Variants in MYO3A observed in about 807,000 individuals in gnomAD.
MYO3A encodes the protein myosin IIIA.
A neutral mutation model predicts 192.7 loss-of-function variants in MYO3A; 180 were observed. That is an observed-to-expected ratio of 0.93 (90% CI 0.83 to 1.06). The LOEUF is 1.06. MYO3A is among the 50% of genes least tolerant of loss of function. The pLI, the probability that MYO3A is intolerant of heterozygous loss-of-function variation, is 0.00. For missense variants in MYO3A, 1,896 were observed against 1,905.0 expected (o/e 1.00, Z 0.09); for synonymous variants, 628 against 645.3 (o/e 0.97, Z 0.41).
intron 10 of MYO3A, among the ~76,000 whole-genome samples, chr10:26,064,319 G>T (rs562941035): frequency 6.6e-6 from 1 of 152,300 alleles, no homozygotes; most frequent in South Asian, 2.1e-4. Flanking sequence ...AAGCTGTGAG[G>T]TAGAAGCATG....
Position 26,157,370 on chromosome 10 carries a change from A to G in MYO3A, c.2854A>G (p.Ile952Val), listed in dbSNP as rs767552680. Residue 952 changes from isoleucine to valine, a missense_variant, in exon 26 of 35, where the codon ATC becomes GTC. By Grantham distance (29) the Ile-to-Val change is conservative. Coordinates refer to ENST00000642920, the MANE Select transcript of MYO3A (RefSeq NM_017433.5). ...GGGCCAACCTCATTTTGTCCGTTGC[A>G]TCAAACCAAATAGTGAGCGTCAGGC... The part of the protein sequence containing the change: ...VVGQPHFVRC[I>V]KPNSERQARK... 1.2e-6 allele frequency: 2 copies of G among 1,614,036 alleles called. No individual in the cohort carries two copies. The highest frequency in any genetic ancestry group is 1.7e-6 in the Non-Finnish European group (2 of 1,180,014).
At chr10:26,089,349 C>T (rs1836548683) in intron 15 of MYO3A, among the ~76,000 whole-genome samples, 2 of 152,096 alleles carry the variant, frequency 1.3e-5, no homozygotes, top group South Asian at 4.1e-4. Context: ...CACCTGTAAT[C>T]CCAGCACTTT....
intron 20 of MYO3A, among the ~76,000 whole-genome samples, chr10:26,142,468 C>T (rs576009067): frequency 2.6e-5 from 4 of 152,302 alleles, no homozygotes. Context: ...GTGCTGGTAC[C>T]TTAACCCTAC....
intron 18 of MYO3A, among the ~76,000 whole-genome samples, chr10:26,121,454 C>T (rs1838852786): frequency 6.6e-6 from 1 of 151,958 alleles, no homozygotes; most frequent in Non-Finnish European, 1.5e-5. Context: ...TTAATAATAA[C>T]AAATGGAGAA....
At chr10:26,144,263 G>A (rs571152934) in intron 21 of MYO3A, among the ~76,000 whole-genome samples, 10 of 151,464 alleles carry the variant, frequency 6.6e-5, no homozygotes, top group African/African-American at 1.7e-4. Context: ...GTTTTTAAAC[G>A]CAGAACATTG....
chr10:26,146,090 G>A (rs1840448443), intron 22 of MYO3A, among the ~76,000 whole-genome samples: 1 of 152,180 alleles, frequency 6.6e-6, no homozygotes. Flanking sequence ...TAAGCCAGAT[G>A]AATGGATTAT....
chr10:25,937,601 A>G (rs528699773), intron 2 of MYO3A, among the ~76,000 whole-genome samples: 102 of 152,316 alleles, frequency 6.7e-4, no homozygotes, highest in African/African-American at 2.4e-3. Flanking sequence ...CTGGTGACTT[A>G]AAGTTTTTTG....
intron 14 of MYO3A, among the ~76,000 whole-genome samples, chr10:26,081,199 G>C (rs1272115659): frequency 6.7e-6 from 1 of 149,336 alleles, no homozygotes; most frequent in Non-Finnish European, 1.5e-5. Flanking sequence ...GCAGGGCCAG[G>C]TGTGTCTGAG....
chr10:26,092,134 T>C (rs1250338766), intron 15 of MYO3A, among the ~76,000 whole-genome samples: 1 of 152,162 alleles, frequency 6.6e-6, no homozygotes, highest in African/African-American at 2.4e-5. Flanking sequence ...AAGGAAAAAC[T>C]GAAAGTGTTG....
chr10:25,946,373 A>G (rs1836828371), intron 2 of MYO3A, among the ~76,000 whole-genome samples: 1 of 151,278 alleles, frequency 6.6e-6, no homozygotes, highest in Non-Finnish European at 1.5e-5. Context: ...TAGAATTCTC[A>G]GTTGACAGGT....
chr10:25,986,554 T>C (rs1336407038), intron 4 of MYO3A, among the ~76,000 whole-genome samples: 1 of 152,166 alleles, frequency 6.6e-6, no homozygotes, highest in Non-Finnish European at 1.5e-5. Context: ...CTCTGCTATA[T>C]GCCAACAGCA....
intron 6 of MYO3A, among the ~76,000 whole-genome samples, chr10:26,007,969 C>CTGA (rs1841349117): frequency 6.6e-6 from 1 of 151,696 alleles, no homozygotes; most frequent in African/African-American, 2.4e-5. Context: ...ATCACACTAC[C>CTGA]TGACTTCAAA....
rs117185627 is a variant in MYO3A, at chr10:26,083,848, A to C, written c.1360-4355A>C. ...CTTAATATTGCTTTTCTATTGCCTA[A>C]GAAAAATTTATATAATTGTAGGTAG... On this transcript the variant is annotated intron_variant, in intron 14 of 34. Transcript: ENST00000642920. Among the ~76,000 whole-genome samples the C allele has an allele frequency of 3.1e-3, 470 of 152,338 alleles. 3 individuals are homozygous for C. The highest frequency in any genetic ancestry group is 0.026 in the East Asian group (134 of 5,188).
In MYO3A at chr10:26,166,126, C is replaced by A. The variant is rs1169622632; in HGVS notation, c.3059C>A (p.Ala1020Asp). 1 of 1,614,044 alleles carries A rather than the reference C, an allele frequency of 6.2e-7. No homozygotes were observed. Among genetic ancestry groups the A allele is most frequent in the Non-Finnish European group, 8.5e-7 (1 of 1,180,030 alleles). ...EEPRMSPDTC[A>D]TILEKAGLDN... is the part of the protein sequence containing the mutation. ...CCCCGCATGAGCCCTGACACCTGTG[C>A]CACCATTTTGGAAAAAGCTGGTCTC... is the stretch of plus-strand genomic sequence containing the variant. Residue 1020 changes from alanine to aspartate, a missense_variant, in exon 27 of 35, where the codon GCC becomes GAC. Coordinates refer to ENST00000642920, the MANE Select transcript of MYO3A (RefSeq NM_017433.5).
intron 4 of MYO3A, among the ~76,000 whole-genome samples, chr10:25,962,169 G>T (rs947697946): frequency 1.3e-5 from 2 of 152,032 alleles, no homozygotes. Context: ...AGATCTTGCT[G>T]GGCAGTCTGT....
At chr10:26,088,875 G>A (rs190296137) in intron 15 of MYO3A, among the ~76,000 whole-genome samples, 41 of 152,208 alleles carry the variant, frequency 2.7e-4, no homozygotes, top group Admixed American at 1.6e-3. Flanking sequence ...TTTATTGCTG[G>A]CTGATTTAAG....
chr10:26,178,074 C>T (rs1842420045), intron 31 of MYO3A, among the ~76,000 whole-genome samples: 1 of 152,244 alleles, frequency 6.6e-6, no homozygotes, highest in Non-Finnish European at 1.5e-5. Context: ...GAGGCCCATT[C>T]ATTTGGCTGC....
At chr10:26,166,279 A>G in intron 27 of MYO3A, 101 bp downstream of exon 27, 2 of 1,037,388 alleles carry the variant, frequency 1.9e-6, no homozygotes, top group African/African-American at 1.6e-5. Flanking sequence ...TTTTTATGTT[A>G]TAGAATCTAT....
At chr10:26,018,353 T>A (rs1232663310) in intron 7 of MYO3A, among the ~76,000 whole-genome samples, 2 of 152,174 alleles carry the variant, frequency 1.3e-5, no homozygotes, top group Non-Finnish European at 2.9e-5. Context: ...AAGAACATAT[T>A]TTAAATAATC....
Sources: allele counts gnomAD v4.1 joint callset (sites outside exome capture counted in the v4.1 genomes callset), GRCh38; gene constraint gnomAD v4.1.1; transcripts MANE v1.5; gene names NCBI Gene and HGNC (gene_info 2026-07-23, HGNC 2026-07-21).